JAKMIP1: variants seen among roughly 807,000 people sequenced by gnomAD.
JAKMIP1 encodes janus kinase and microtubule interacting protein 1, also known as janus kinase and microtubule-interacting protein 1.
A neutral mutation model predicts 113.0 loss-of-function variants in JAKMIP1; 33 were observed. The observed-to-expected ratio is 0.29, with a 90% CI of 0.22 to 0.39. JAKMIP1 has a LOEUF of 0.39. Among genes scored for constraint, JAKMIP1 ranks in the 10% least tolerant of loss-of-function variants. The probability of loss-of-function intolerance (pLI) is 1.00; values close to 1 mark genes in which losing one functional copy is unlikely to be tolerated. For synonymous variants in JAKMIP1, 480 were observed against 459.9 expected (o/e 1.04, Z -0.56); for missense variants, 813 against 1,080.5 (o/e 0.75, Z 3.47).
chr4:6,054,939 C>T, intron 12 of JAKMIP1: 1 of 439,552 alleles, frequency 2.3e-6, no homozygotes, highest in Non-Finnish European at 4.6e-6. Flanking sequence ...TGAGGGTTTT[C>T]TGCGGCTCCC....
At chr4:6,029,236 T>C (rs1009095436) in intron 20 of JAKMIP1, among the ~76,000 whole-genome samples, 4 of 152,202 alleles carry the variant, frequency 2.6e-5, no homozygotes, top group Admixed American at 1.3e-4. Flanking sequence ...TGGTGGAACA[T>C]ACCCAAAGCC....
intron 1 of JAKMIP1, among the ~76,000 whole-genome samples, chr4:6,177,272 C>T (rs1293706693): frequency 1.3e-5 from 2 of 152,188 alleles, no homozygotes; most frequent in East Asian, 1.9e-4. Flanking sequence ...TCTGATCCGA[C>T]CTCCCCATTG....
chr4:6,169,430 C>A (rs1033142168), intron 1 of JAKMIP1, among the ~76,000 whole-genome samples: 1 of 152,052 alleles, frequency 6.6e-6, no homozygotes, highest in Non-Finnish European at 1.5e-5. Context: ...CAAGGACAGC[C>A]GCCACCACTA....
intron 1 of JAKMIP1, among the ~76,000 whole-genome samples, chr4:6,191,716 A>T (rs949750473): frequency 6.6e-6 from 1 of 152,214 alleles, no homozygotes; most frequent in Non-Finnish European, 1.5e-5. Flanking sequence ...AGTGGAATAC[A>T]ACATGCACGC....
intron 1 of JAKMIP1, among the ~76,000 whole-genome samples, chr4:6,161,697 C>A (rs1181136538): frequency 6.6e-6 from 1 of 152,002 alleles, no homozygotes; most frequent in Admixed American, 6.5e-5. Flanking sequence ...CCAGAGCCAC[C>A]GGGTGCTCTG....
intron 1 of JAKMIP1, among the ~76,000 whole-genome samples, chr4:6,190,204 G>C (rs993493046): frequency 1.1e-4 from 5 of 45,720 alleles, no homozygotes; most frequent in African/African-American, 6.0e-4. Context: ...GCAGGCCATG[G>C]GGGGGGCTGC....
chr4:6,046,551 T>G (rs1715018428), intron 16 of JAKMIP1, among the ~76,000 whole-genome samples: 1 of 119,094 alleles, frequency 8.4e-6, no homozygotes. Flanking sequence ...CTGACCAGCT[T>G]GGGGAGGTTG....
In JAKMIP1 at chr4:6,085,502, T is replaced by C. The variant is rs772311401; in HGVS notation, c.752A>G (p.Lys251Arg). The change falls in exon 4 of 21, where the codon AAG (lysine) becomes AGG (arginine). Residue 251 changes from lysine to arginine, a missense_variant. Lys to Arg is a conservative substitution (Grantham distance 26). Around this residue, in one of 2 missense-constraint regions of JAKMIP1, gnomAD observed 540 missense variants for 653.9 expected, o/e 0.83. Transcript: ENST00000409021. ...EALDEQLVQV[K>R]EAERHHSSPK... ...ACTACTGTGGTGCCGCTCGGCCTCC[T>C]TGACCTGAACCAGCTGCTCATCCAA... 4 of 1,614,068 alleles carry C rather than the reference T, an allele frequency of 2.5e-6. No individual in the cohort carries two copies. Among genetic ancestry groups the C allele is most frequent in the South Asian group, 1.1e-5 (1 of 91,090 alleles).
Position 6,065,416 on chromosome 4 carries a change from C to T in JAKMIP1, c.1303-408G>A, listed in dbSNP as rs1717926987. Reference sequence around the variant, plus strand: ...TCCGTCACGCTCCATGAGCAGCGCACTGGCTGTACCAAGGAGAAGGGGGAC... The same window carrying T: ...TCCGTCACGCTCCATGAGCAGCGCATTGGCTGTACCAAGGAGAAGGGGGAC... On this transcript the variant is annotated intron_variant, in intron 8 of 20. Coordinates refer to ENST00000409021, the MANE Select transcript of JAKMIP1 (RefSeq NM_001099433.2). This position sits in a 1 kb window ranked among gnomAD's most constrained non-coding sequence, Gnocchi z 5.1. Among the ~76,000 whole-genome samples, 1 of 152,244 alleles carries T rather than the reference C, an allele frequency of 6.6e-6. No individual in the cohort carries two copies. The highest frequency in any genetic ancestry group is 1.5e-5 in the Non-Finnish European group (1 of 68,052).
rs1728200616 is a variant in JAKMIP1 at position 6,199,406 on chromosome 4, G to A, written c.-148+847C>T. ...ATGCTCAGGAGCCCACAGCAGGGGG[G>A]ATGGAGCGAAGGACCGAGGGGCTGG... is the stretch of plus-strand genomic sequence containing the variant. On this transcript the variant is annotated intron_variant, in intron 1 of 20. Coordinates refer to ENST00000409021, the MANE Select transcript of JAKMIP1 (RefSeq NM_001099433.2). The surrounding 1 kb of genome is among the most constrained non-coding windows in gnomAD (Gnocchi z 5.6). 6.6e-6 allele frequency among the ~76,000 whole-genome samples: 1 copy of A among 152,222 alleles called. No homozygotes were observed. The highest frequency in any genetic ancestry group is 2.4e-5 in the African/African-American group (1 of 41,474).
rs764852427 is a variant in JAKMIP1, at chr4:6,042,304, TG to T, written c.2029-78del. Reference sequence around the variant, plus strand: ...AAGGGGCTGTGGAATTTCACAGGTGTGTGAATTTCATAGATCGGCTTCCTCA... The same window carrying T: ...AAGGGGCTGTGGAATTTCACAGGTGTTGAATTTCATAGATCGGCTTCCTCA... On this transcript the variant is annotated intron_variant, in intron 16 of 20. Transcript: ENST00000409021. The surrounding 1 kb of genome is among the most constrained non-coding windows in gnomAD (Gnocchi z 5.2). 77 of 1,186,060 alleles carry T rather than the reference TG, an allele frequency of 6.5e-5. No homozygotes were observed. Among genetic ancestry groups the T allele is most frequent in the Non-Finnish European group, 9.2e-5 (73 of 795,414 alleles). The allele number at this position is 1,186,060 out of a possible 1,614,324, so 73.5% of individuals were successfully genotyped here.
rs1053635068 is a variant in JAKMIP1 at position 6,081,209 on chromosome 4, C to T, written c.1101+400G>A. Among the ~76,000 whole-genome samples the T allele has an allele frequency of 1.3e-5, 2 of 152,234 alleles. No homozygotes were observed. The highest frequency in any genetic ancestry group is 1.5e-5 in the Non-Finnish European group (1 of 68,044). ...GAGGAGAAACCCCTCTGCAGAGCAT[C>T]GCCAGCGATCATTGTAACAGCTTTC... On this transcript the variant is annotated intron_variant, in intron 6 of 20. Coordinates refer to ENST00000409021, the MANE Select transcript of JAKMIP1 (RefSeq NM_001099433.2). This position sits in a 1 kb window ranked among gnomAD's most constrained non-coding sequence, Gnocchi z 4.6.
chr4:6,190,851 C>T (rs1439661157), intron 1 of JAKMIP1, among the ~76,000 whole-genome samples: 2 of 152,174 alleles, frequency 1.3e-5, no homozygotes, highest in Non-Finnish European at 2.9e-5. Flanking sequence ...GTTGGGAACT[C>T]GGCCCATAGT....
intron 1 of JAKMIP1, among the ~76,000 whole-genome samples, chr4:6,120,385 G>A (rs571318495): frequency 6.6e-6 from 1 of 152,222 alleles, no homozygotes; most frequent in African/African-American, 2.4e-5. Flanking sequence ...CGAAAGGAAA[G>A]AGCAATCTGC....
rs1725768471 is a variant in JAKMIP1 at position 6,179,450 on chromosome 4, C to A, written c.-148+20803G>T. ...CCACACAGGGAGACCCTGCCCCATC[C>A]ACCACCACCTCCTTCCTCTACCTTC... On this transcript the variant is annotated intron_variant, in intron 1 of 20. Coordinates refer to ENST00000409021, the MANE Select transcript of JAKMIP1 (RefSeq NM_001099433.2). This position sits in a 1 kb window ranked among gnomAD's most constrained non-coding sequence, Gnocchi z 4.5. Among the ~76,000 whole-genome samples the A allele has an allele frequency of 6.6e-6, 1 of 152,184 alleles. No individual in the cohort carries two copies. Among genetic ancestry groups the A allele is most frequent in the Non-Finnish European group, 1.5e-5 (1 of 68,038 alleles).
chr4:6,118,402 G>T (rs62284814), intron 1 of JAKMIP1, among the ~76,000 whole-genome samples: 21,869 of 152,112 alleles, frequency 0.14, 1,895 homozygotes, highest in Non-Finnish European at 0.19. Context: ...CTGGGCTGCT[G>T]AGACACAGAC....
Position 6,076,617 on chromosome 4 carries a change from T to C in JAKMIP1, c.1302+2322A>G, listed in dbSNP as rs114559662. 6.0e-4 allele frequency among the ~76,000 whole-genome samples: 92 copies of C among 152,240 alleles called. No homozygotes were observed. The highest frequency in any genetic ancestry group is 3.4e-3 in the Middle Eastern group (1 of 294). ...CAGCCTGGGAGCCAAATTGCACCCA[T>C]AGATATATTTTATGTGGCCCACAGG... On this transcript the variant is annotated intron_variant, in intron 8 of 20. Transcript: ENST00000409021. The surrounding 1 kb of genome is among the most constrained non-coding windows in gnomAD (Gnocchi z 4.8).
intron 3 of JAKMIP1, among the ~76,000 whole-genome samples, chr4:6,091,034 C>A (rs1168815921): frequency 1.3e-5 from 2 of 152,234 alleles, no homozygotes; most frequent in Non-Finnish European, 2.9e-5. Flanking sequence ...GTCCAAAAGC[C>A]TTCTTGCATT....
intron 20 of JAKMIP1, 103 bp downstream of exon 20, chr4:6,029,613 G>A (rs1315722627): frequency 7.9e-6 from 6 of 763,978 alleles, no homozygotes; most frequent in Non-Finnish European, 1.1e-5. Context: ...AGAAAGGAGG[G>A]CTGGAGACAG....
Sources: gnomAD v4.1 joint callset for allele counts (sites outside exome capture counted in the v4.1 genomes callset) on GRCh38, gnomAD v4.1.1 for gene constraint, gnomAD v4.1.1 regional missense constraint, Gnocchi (gnomAD v3.1) non-coding constraint, MANE v1.5 for transcripts, NCBI Gene and HGNC (gene_info 2026-07-23, HGNC 2026-07-21) for gene names.